The following VTI1B variants were observed in gnomAD, a reference collection of about 807,000 sequenced individuals.
VTI1B encodes the protein vesicle transport through interaction with t-SNAREs homolog 1B.
A neutral mutation model predicts 28.6 loss-of-function variants in VTI1B; 18 were observed. The ratio of observed to expected loss-of-function variants is 0.63; its 90% confidence interval spans 0.43 to 0.93. The LOEUF is 0.93. Among genes scored for constraint, VTI1B ranks in the 40% least tolerant of loss-of-function variants. VTI1B has a pLI of 0.00. For synonymous variants in VTI1B, 100 were observed against 107.9 expected, an observed-to-expected ratio of 0.93 and a Z score of 0.46; for missense variants, 283 against 297.0, an observed-to-expected ratio of 0.95 and a Z score of 0.35.
rs752221965 is a variant in VTI1B, at chr14:67,674,412, T to G, written c.78A>C (p.Gln26His). The change falls in exon 1 of 6, where the codon CAA (glutamine) becomes CAC (histidine). Residue 26 changes from glutamine to histidine, a missense_variant. Coordinates refer to ENST00000554659, the MANE Select transcript of VTI1B (RefSeq NM_006370.3). The part of the protein sequence containing the change: ...EIFRGLHEDL[Q>H]GVPERLLGTA... The stretch of plus-strand genomic sequence containing the variant: ...TCCCCAGCAGCCGCTCGGGCACCCC[T>G]TGTAGGTCTTCATGGAGGCCGCGGA... 89 of 1,606,528 alleles carry G rather than the reference T, an allele frequency of 5.5e-5. 1 individual carries two copies. The Middle Eastern group carries it at 6.7e-4, about 12-fold the overall frequency.
intron 4 of VTI1B, among the ~76,000 whole-genome samples, chr14:67,655,245 T>C (rs2037240330): frequency 6.6e-6 from 1 of 151,964 alleles, no homozygotes; most frequent in Admixed American, 6.6e-5. Context: ...GAGGATCACT[T>C]GAGCCCAGGA....
At position 67,647,840 on chromosome 14, in the gene VTI1B, T is replaced by A. The variant is rs1211070945; in HGVS notation, c.*3545A>T. The A allele has an allele frequency of 1.7e-6, 1 of 577,926 alleles. No individual in the cohort carries two copies. Among genetic ancestry groups the A allele is most frequent in the Non-Finnish European group, 3.1e-6 (1 of 327,472 alleles). The allele number at this position is 577,926 out of a possible 1,614,324, so 35.8% of individuals were successfully genotyped here. ...GAGGTATGCAGAACAAATGGCAGTATCATGAAGTGGTATGTAGGAAGTTAA... is the reference window on the plus strand; with the variant it reads ...GAGGTATGCAGAACAAATGGCAGTAACATGAAGTGGTATGTAGGAAGTTAA... On this transcript the variant is annotated 3_prime_UTR_variant, in exon 6 of 6. Transcript: ENST00000554659.
chr14:67,653,374 T>G, intron 5 of VTI1B, 63 bp downstream of exon 5: 1 of 1,470,388 alleles, frequency 6.8e-7, no homozygotes, highest in South Asian at 1.2e-5. Flanking sequence ...AAGTCACTAT[T>G]TTAAGCTTTT....
rs1387954394 is a variant in VTI1B at position 67,649,341 on chromosome 14, G to T, written c.*2044C>A. 6.6e-6 allele frequency: 1 copy of T among 152,102 alleles called. No homozygotes were observed. The highest frequency in any genetic ancestry group is 1.5e-5 in the Non-Finnish European group (1 of 68,034). The allele number at this position is 152,102 out of a possible 1,614,324, so 9.4% of individuals were successfully genotyped here. On this transcript the variant is annotated 3_prime_UTR_variant, in exon 6 of 6. Transcript: ENST00000554659. ...GTTCAAGACCAGCGTGGGCAACATA[G>T]TGTGACCCCGTTTCTACAAAAAATA...
chr14:67,662,452 A>G (rs774563396), intron 2 of VTI1B, 25 bp downstream of exon 2: 1 of 1,609,236 alleles, frequency 6.2e-7, no homozygotes, highest in South Asian at 1.1e-5. Context: ...AGGTAGAAGA[A>G]ACAAAATTTG....
Position 67,674,379 on chromosome 14 carries a change from C to A in VTI1B, c.111G>T (p.Gly37=), listed in dbSNP as rs574647581. 1.1e-4 allele frequency: 170 copies of A among 1,594,142 alleles called. No homozygotes were observed. The highest frequency in any genetic ancestry group is 1.3e-4 in the Non-Finnish European group (158 of 1,172,350). The part of the protein sequence containing the change: ...GVPERLLGTA[G]TEEKKKLIRD... ...CGTGGCCCACCCCCGCCTCACCGGT[C>A]CCCGCCGTCCCCAGCAGCCGCTCGG... The change falls in exon 1 of 6, where the codon GGG becomes GGT. Residue 37 remains glycine (G), a synonymous_variant. Coordinates refer to ENST00000554659, the MANE Select transcript of VTI1B (RefSeq NM_006370.3).
chr14:67,661,278 C>CGA (rs1441860751), intron 2 of VTI1B, among the ~76,000 whole-genome samples: 4 of 56,548 alleles, frequency 7.1e-5, no homozygotes, highest in African/African-American at 3.3e-4. Flanking sequence ...AGGGCTAGAG[C>CGA]AAAAAAAAAA....
chr14:67,670,808 G>A lies in VTI1B; in HGVS notation c.115+3567C>T, dbSNP rs1355379477. On this transcript the variant is annotated intron_variant, in intron 1 of 5. Transcript: ENST00000554659. The stretch of plus-strand genomic sequence containing the variant: ...CCCAAAGTGATGGGACTACCAGCAT[G>A]AGCCACCGTGCCCGGCCGTTTGTTT... 2.0e-5 allele frequency among the ~76,000 whole-genome samples: 3 copies of A among 152,170 alleles called. No individual in the cohort carries two copies. The East Asian group carries it at 5.8e-4, about 29-fold the overall frequency.
intron 5 of VTI1B, chr14:67,652,414 G>A: frequency 5.4e-6 from 1 of 183,880 alleles, no homozygotes; most frequent in Non-Finnish European, 1.2e-5. Flanking sequence ...CTGATGCATG[G>A]CATATGCTGT....
At chr14:67,670,557 GGTTT>G (rs1372222808) in intron 1 of VTI1B, among the ~76,000 whole-genome samples, 2 of 149,964 alleles carry the variant, frequency 1.3e-5, no homozygotes, top group Non-Finnish European at 3.0e-5. Flanking sequence ...TTGGTTGTAA[GGTTT>G]GTTACCTTTT....
Position 67,648,262 on chromosome 14 carries a change from C to A in VTI1B, c.*3123G>T. The A allele has an allele frequency of 6.7e-7, 1 of 1,485,858 alleles. No homozygotes were observed. The highest frequency in any genetic ancestry group is 2.3e-5 in the East Asian group (1 of 43,446). The allele number at this position is 1,485,858 out of a possible 1,614,324, so 92.0% of individuals were successfully genotyped here. A position where few individuals can be genotyped will look rare whatever the true frequency, so the allele number is the denominator to read the frequency against. ...GTCTCTTGCCTGCAAAGGATCTTTT[C>A]TGCTATTCCACATCATTGCAGAGTT... On this transcript the variant is annotated 3_prime_UTR_variant, in exon 6 of 6. Transcript: ENST00000554659.
rs140777588 is a variant in VTI1B, at chr14:67,668,648, T to C, written c.115+5727A>G. 4.3e-3 allele frequency among the ~76,000 whole-genome samples: 581 copies of C among 134,260 alleles called. 1 individual carries two copies. The highest frequency in any genetic ancestry group is 0.014 in the African/African-American group (552 of 40,576). 88.1% of individuals were successfully genotyped at this position (134,260 alleles called of 152,430 possible). On this transcript the variant is annotated intron_variant, in intron 1 of 5. Transcript: ENST00000554659. ...CTGTGCTAGGCACTGTTCTGGTACT[T>C]AGGAAACACAGTGAAAAAAAGACAA...
In VTI1B at chr14:67,651,202, T is replaced by C. The variant is rs2037170921; in HGVS notation, c.*183A>G. The C allele has an allele frequency of 8.3e-7, 1 of 1,205,446 alleles. No homozygotes were observed. The highest frequency in any genetic ancestry group is 2.7e-5 in the Admixed American group (1 of 37,032). The allele number at this position is 1,205,446 out of a possible 1,614,324, so 74.7% of individuals were successfully genotyped here. A position where few individuals can be genotyped will look rare whatever the true frequency, so the allele number is the denominator to read the frequency against. On this transcript the variant is annotated 3_prime_UTR_variant, in exon 6 of 6. Transcript: ENST00000554659. ...ACCTTGGTATATCATACTGGTCTTG[T>C]TGCTGTTGTTCCTTCACATTTAAGT...
intron 5 of VTI1B, chr14:67,652,551 C>G (rs1308527991): frequency 6.5e-6 from 1 of 152,760 alleles, no homozygotes; most frequent in Non-Finnish European, 1.5e-5. Flanking sequence ...TTTCAAAATG[C>G]CTGCATGAAG....
At chr14:67,657,441 C>T (rs2037272411) in intron 3 of VTI1B, among the ~76,000 whole-genome samples, 2 of 152,246 alleles carry the variant, frequency 1.3e-5, no homozygotes, top group Non-Finnish European at 1.5e-5. Context: ...CTCAACTGCC[C>T]TAATTTTCTA....
chr14:67,661,999 A>G (rs1034404624), intron 2 of VTI1B, among the ~76,000 whole-genome samples: 1 of 152,072 alleles, frequency 6.6e-6, no homozygotes, highest in Non-Finnish European at 1.5e-5. Context: ...TACTGAAAAT[A>G]CAAAAAAACA....
chr14:67,651,477 TCA>T lies in VTI1B; in HGVS notation c.605_606del (p.Val202AspfsTer49). ...RKILRSMSRK[V>X]TTNKLLLSII... ...ATGGAAAGCAGCAGCTTGTTGGTTGTCACTCTACAAAGAGAAGCAAAGTGGGG... is the reference window on the plus strand; with the variant it reads ...ATGGAAAGCAGCAGCTTGTTGGTTGTCTCTACAAAGAGAAGCAAAGTGGGG... On this transcript the variant is annotated frameshift_variant and splice_region_variant, in exon 6 of 6. Transcript: ENST00000554659. LOFTEE classifies it high-confidence loss of function. 6.2e-7 allele frequency: 1 copy of T among 1,613,716 alleles called. No individual in the cohort carries two copies. The highest frequency in any genetic ancestry group is 8.5e-7 in the Non-Finnish European group (1 of 1,179,656).
Position 67,662,519 on chromosome 14 carries a change from C to A in VTI1B, c.132G>T (p.Leu44Phe). The change falls in exon 2 of 6, where the codon TTG (leucine) becomes TTT (phenylalanine). Residue 44 changes from leucine to phenylalanine, a missense_variant. Physicochemically the swap from Leu to Phe is conservative, Grantham distance 22. Transcript: ENST00000554659. ...GTAGTEEKKK[L>F]IRDFDEKQQE... is the part of the protein sequence containing the mutation. ...GTTGCTTTTCATCAAAATCCCTGAT[C>A]AATTTCTTCTTTTCTTCTAGAAAAG... The A allele has an allele frequency of 1.2e-6, 2 of 1,611,498 alleles. No homozygotes were observed. Among genetic ancestry groups the A allele is most frequent in the Non-Finnish European group, 1.7e-6 (2 of 1,179,306 alleles).
rs1230888276 is a variant in VTI1B, at chr14:67,668,823, CA to C, written c.115+5551del. ...AGAATTTGCATTTCTAACAAGTTCC[CA>C]AATGATGCTGATGCAGCTGGTTCAT... On this transcript the variant is annotated intron_variant, in intron 1 of 5. Transcript: ENST00000554659. 4.6e-5 allele frequency among the ~76,000 whole-genome samples: 7 copies of C among 152,174 alleles called. No individual in the cohort carries two copies. In the East Asian group the frequency reaches 1.2e-3, roughly 25 times the overall value.
Sources: allele counts gnomAD v4.1 joint callset (sites outside exome capture counted in the v4.1 genomes callset), GRCh38; gene constraint gnomAD v4.1.1; transcripts MANE v1.5; gene names NCBI Gene and HGNC (gene_info 2026-07-23, HGNC 2026-07-21).